PARN: variants seen among roughly 807,000 people sequenced by gnomAD.
The protein encoded by PARN is poly(A)-specific ribonuclease, also known as poly(A)-specific ribonuclease PARN.
In PARN, 71 loss-of-function variants were observed where a neutral mutation model predicts 102.8. The ratio of observed to expected loss-of-function variants is 0.69; its 90% confidence interval spans 0.57 to 0.84. The LOEUF is 0.84. PARN is among the 40% of genes least tolerant of loss of function. The probability of loss-of-function intolerance (pLI) is 0.00; values close to 1 mark genes in which losing one functional copy is unlikely to be tolerated. For missense variants in PARN, 782 were observed against 760.9 expected (o/e 1.03, Z -0.33); for synonymous variants, 261 against 252.9 (o/e 1.03, Z -0.30).
chr16:14,580,652 G>A (rs1427010921), intron 18 of PARN, among the ~76,000 whole-genome samples: 1 of 151,454 alleles, frequency 6.6e-6, no homozygotes, highest in Non-Finnish European at 1.5e-5. Flanking sequence ...ACTATACTAC[G>A]TCTAGCAATG....
chr16:14,536,794 C>G (rs1445765426), intron 21 of PARN, among the ~76,000 whole-genome samples: 2 of 151,822 alleles, frequency 1.3e-5, no homozygotes. Context: ...AAGTCTCAGC[C>G]CAATTAGTAT....
chr16:14,536,755 T>G (rs961048681), intron 21 of PARN, among the ~76,000 whole-genome samples: 1 of 152,196 alleles, frequency 6.6e-6, no homozygotes, highest in South Asian at 2.1e-4. Context: ...ACATGATTAA[T>G]TAAAAAAGCA....
At chr16:14,531,374 C>A (rs1048069813) in intron 21 of PARN, among the ~76,000 whole-genome samples, 1 of 148,790 alleles carries the variant, frequency 6.7e-6, no homozygotes, top group African/African-American at 2.5e-5. Context: ...AAAAAAAAAA[C>A]AGATGAATCC....
intron 22 of PARN, among the ~76,000 whole-genome samples, chr16:14,457,869 G>A (rs780345678): frequency 9.5e-5 from 14 of 147,708 alleles, no homozygotes; most frequent in Non-Finnish European, 2.1e-4. Flanking sequence ...CTGAATGGTA[G>A]CTGTCTGGTA....
intron 22 of PARN, among the ~76,000 whole-genome samples, chr16:14,450,163 A>G (rs1961388182): frequency 6.6e-6 from 1 of 152,254 alleles, no homozygotes. Context: ...ACCGAAAATG[A>G]TTATGGAAAG....
In PARN at chr16:14,463,851, A is replaced by G. The variant is rs59951184; in HGVS notation, c.1671-16770T>C. Among the ~76,000 whole-genome samples the G allele has an allele frequency of 4.4e-3, 352 of 79,418 alleles. 10 individuals carry two copies. Among genetic ancestry groups the G allele is most frequent in the African/African-American group, 0.015 (297 of 19,290 alleles). 52.1% of individuals were successfully genotyped at this position (79,418 alleles called of 152,430 possible). On this transcript the variant is annotated intron_variant, in intron 22 of 23. Transcript: ENST00000437198. ...AACTTTTTTTTTTGGGGGGGGGGGGACGACAAGGTCTCACTCTGTCACCCA... is the reference window on the plus strand; with the variant it reads ...AACTTTTTTTTTTGGGGGGGGGGGGGCGACAAGGTCTCACTCTGTCACCCA...
intron 15 of PARN, 22 bp downstream of exon 15, chr16:14,584,727 T>C (rs915953716): frequency 2.6e-6 from 4 of 1,542,830 alleles, no homozygotes; most frequent in Non-Finnish European, 3.5e-6. Flanking sequence ...AGTCGCTTTA[T>C]AAAGTAGCAA....
intron 21 of PARN, among the ~76,000 whole-genome samples, chr16:14,485,051 T>A (rs1963592385): frequency 1.3e-5 from 2 of 152,154 alleles, no homozygotes; most frequent in Admixed American, 1.3e-4. Flanking sequence ...GAGACCCCCG[T>A]CTCTAAAAAG....
intron 21 of PARN, among the ~76,000 whole-genome samples, chr16:14,522,697 AG>A: frequency 6.6e-6 from 1 of 152,298 alleles, no homozygotes; most frequent in Non-Finnish European, 1.5e-5. Flanking sequence ...AGCTGGAACA[AG>A]GTCCCTGCAT....
At chr16:14,611,410 A>G (rs1483001427) in intron 6 of PARN, among the ~76,000 whole-genome samples, 1 of 152,234 alleles carries the variant, frequency 6.6e-6, no homozygotes, top group Non-Finnish European at 1.5e-5. Flanking sequence ...GATTTTAAGC[A>G]AGATAATTAC....
At chr16:14,600,102 C>G in intron 11 of PARN, 142 bp from the exon 12 acceptor site, 1 of 496,296 alleles carries the variant, frequency 2.0e-6, no homozygotes, top group Non-Finnish European at 3.5e-6. Context: ...GCCTATCTTC[C>G]CAAACATTTG....
intron 10 of PARN, among the ~76,000 whole-genome samples, chr16:14,605,328 T>C (rs12921524): frequency 0.029 from 4,400 of 152,324 alleles, 92 homozygotes; most frequent in Non-Finnish European, 0.041. Flanking sequence ...AAACCAAATT[T>C]TGTCTCTGTG....
intron 7 of PARN, among the ~76,000 whole-genome samples, chr16:14,609,621 G>A (rs1971397187): frequency 6.6e-6 from 1 of 152,112 alleles, no homozygotes; most frequent in Non-Finnish European, 1.5e-5. Context: ...TATTTTGGGG[G>A]GAAGAGGGTT....
At chr16:14,486,646 G>A (rs1963716778) in intron 21 of PARN, among the ~76,000 whole-genome samples, 1 of 152,190 alleles carries the variant, frequency 6.6e-6, no homozygotes, top group African/African-American at 2.4e-5. Context: ...TTTCACTGCT[G>A]GCCTCCACGT....
intron 18 of PARN, chr16:14,578,718 T>C (rs1421270754): frequency 6.6e-6 from 1 of 152,028 alleles, no homozygotes; most frequent in Admixed American, 6.6e-5. Flanking sequence ...TGCAGGAATA[T>C]TTTTCCTTTA....
chr16:14,582,076 A>C, intron 17 of PARN, 105 bp downstream of exon 17: 2 of 779,594 alleles, frequency 2.6e-6, no homozygotes, highest in South Asian at 2.9e-5. Flanking sequence ...TCTGTTGTTT[A>C]AGCCCCACAC....
chr16:14,530,490 C>T (rs1197323163), intron 21 of PARN, among the ~76,000 whole-genome samples: 2 of 151,904 alleles, frequency 1.3e-5, no homozygotes, highest in Non-Finnish European at 2.9e-5. Flanking sequence ...TGCATTATAA[C>T]CCAGTACACA....
chr16:14,610,845 G>A, intron 6 of PARN, 36 bp from the exon 7 acceptor site: 1 of 1,422,348 alleles, frequency 7.0e-7, no homozygotes, highest in Non-Finnish European at 9.9e-7. Context: ...ATTAGCAGAA[G>A]TAACTGTCTA....
chr16:14,471,229 C>T (rs548110898), intron 22 of PARN, among the ~76,000 whole-genome samples: 2 of 152,290 alleles, frequency 1.3e-5, no homozygotes, highest in South Asian at 2.1e-4. Context: ...AGATGTGTTA[C>T]AGCCCATACA....
Sources: gnomAD v4.1 joint callset for allele counts (sites outside exome capture counted in the v4.1 genomes callset) on GRCh38, gnomAD v4.1.1 for gene constraint, MANE v1.5 for transcripts, NCBI Gene and HGNC (gene_info 2026-07-23, HGNC 2026-07-21) for gene names.